UGGT2: variants seen among roughly 807,000 people sequenced by gnomAD.
UGGT2 encodes the protein UDP-glucose:glycoprotein glucosyltransferase 2.
In UGGT2, 180 loss-of-function variants were observed where a neutral mutation model predicts 192.1. The observed-to-expected ratio is 0.94, with a 90% confidence interval of 0.83 to 1.06. The LOEUF is 1.06. Ranked by LOEUF, UGGT2 falls within the 50% of genes least tolerant of loss-of-function variation. The pLI is 0.00. For synonymous variants in UGGT2, 580 were observed against 591.0 expected, an observed-to-expected ratio of 0.98 and a Z score of 0.27; for missense variants, 1,849 against 1,795.7, an observed-to-expected ratio of 1.03 and a Z score of -0.54.
At chr13:95,975,977 T>C (rs898001760) in intron 10 of UGGT2, among the ~76,000 whole-genome samples, 9 of 152,108 alleles carry the variant, frequency 5.9e-5, no homozygotes, top group African/African-American at 1.9e-4. Context: ...ACATTCCAAA[T>C]CCACTCTTCC....
In UGGT2 at chr13:95,927,008, A is replaced by G. The variant is rs2049035386; in HGVS notation, c.2200+20T>C. 6.4e-7 allele frequency: 1 copy of G among 1,572,664 alleles called. No individual in the cohort carries two copies. The highest frequency in any genetic ancestry group is 8.6e-7 in the Non-Finnish European group (1 of 1,160,824). On this transcript the variant is annotated intron_variant, in intron 19 of 38. Coordinates refer to ENST00000376747, the MANE Select transcript of UGGT2 (RefSeq NM_020121.4). ...TTTCTATCACTTTAAGAATTCAGGT[A>G]AATAAAATATGCTTATTACCGTCTT...
intron 36 of UGGT2, among the ~76,000 whole-genome samples, chr13:95,845,284 G>A (rs1300766669): frequency 1.3e-5 from 2 of 150,750 alleles, no homozygotes; most frequent in African/African-American, 4.9e-5. Flanking sequence ...ATAAACTTGT[G>A]AACAAAGGTC....
intron 36 of UGGT2, among the ~76,000 whole-genome samples, chr13:95,848,276 T>G (rs1888679174): frequency 6.6e-6 from 1 of 152,212 alleles, no homozygotes; most frequent in Non-Finnish European, 1.5e-5. Context: ...TATTGTCTTT[T>G]GCAGAGCAGA....
chr13:95,912,294 A>AC (rs931966959), intron 20 of UGGT2, among the ~76,000 whole-genome samples: 2 of 152,180 alleles, frequency 1.3e-5, no homozygotes, highest in African/African-American at 4.8e-5. Context: ...AGAAAGTCAA[A>AC]TTGTCCCTGT....
intron 37 of UGGT2, among the ~76,000 whole-genome samples, chr13:95,833,570 T>C (rs996467070): frequency 1.2e-4 from 19 of 152,184 alleles, no homozygotes; most frequent in African/African-American, 4.3e-4. Context: ...GTTCCATCAA[T>C]ACACAATCAG....
intron 1 of UGGT2, among the ~76,000 whole-genome samples, chr13:96,050,859 T>C (rs571845829): frequency 4.3e-4 from 66 of 152,188 alleles, no homozygotes; most frequent in African/African-American, 1.5e-3. Context: ...TGTGGAGAAA[T>C]AGGGACACTT....
intron 30 of UGGT2, among the ~76,000 whole-genome samples, chr13:95,866,398 T>C (rs1225431147): frequency 1.3e-5 from 2 of 152,186 alleles, no homozygotes; most frequent in African/African-American, 4.8e-5. Context: ...ACTTTGACTA[T>C]GAGTTGGCCT....
intron 16 of UGGT2, among the ~76,000 whole-genome samples, chr13:95,938,214 C>A (rs1165849550): frequency 6.6e-6 from 1 of 152,138 alleles, no homozygotes; most frequent in African/African-American, 2.4e-5. Context: ...TGAAAATGGA[C>A]TAATACAGCA....
chr13:95,915,678 G>A (rs1418060194), intron 20 of UGGT2, among the ~76,000 whole-genome samples: 1 of 152,210 alleles, frequency 6.6e-6, no homozygotes, highest in Non-Finnish European at 1.5e-5. Flanking sequence ...CACCATCTCT[G>A]CAGATTGGTC....
chr13:95,822,672 C>T (rs1028651143), intron 38 of UGGT2, among the ~76,000 whole-genome samples: 4 of 152,004 alleles, frequency 2.6e-5, no homozygotes, highest in Non-Finnish European at 4.4e-5. Context: ...GGTTTCATTT[C>T]GAATTGAGCT....
At chr13:96,014,630 A>G (rs978789774) in intron 4 of UGGT2, among the ~76,000 whole-genome samples, 1 of 152,194 alleles carries the variant, frequency 6.6e-6, no homozygotes, top group African/African-American at 2.4e-5. Flanking sequence ...TCACTTCATT[A>G]TTAATCTTCT....
intron 1 of UGGT2, among the ~76,000 whole-genome samples, chr13:96,042,198 ACT>A (rs1023770378): frequency 8.5e-5 from 13 of 152,222 alleles, no homozygotes; most frequent in South Asian, 8.3e-4. Flanking sequence ...AGATCATAGG[ACT>A]CTGTGCAGAC....
At chr13:95,944,500 C>T (rs1361873741) in intron 15 of UGGT2, among the ~76,000 whole-genome samples, 3 of 151,948 alleles carry the variant, frequency 2.0e-5, no homozygotes, top group Non-Finnish European at 2.9e-5. Context: ...CATCTCTGAG[C>T]CCAGGCCTTA....
intron 20 of UGGT2, among the ~76,000 whole-genome samples, chr13:95,923,105 G>C (rs1254463338): frequency 2.0e-5 from 3 of 152,134 alleles, no homozygotes; most frequent in Non-Finnish European, 2.9e-5. Context: ...AGGCTAGAGT[G>C]CAATGGTGTG....
intron 10 of UGGT2, among the ~76,000 whole-genome samples, chr13:95,974,276 C>G (rs1012213855): frequency 6.6e-6 from 1 of 152,180 alleles, no homozygotes; most frequent in African/African-American, 2.4e-5. Context: ...ATTAAGAAAT[C>G]CATATTCCAA....
chr13:95,993,524 G>A (rs2051521634), intron 7 of UGGT2, among the ~76,000 whole-genome samples: 1 of 152,158 alleles, frequency 6.6e-6, no homozygotes, highest in South Asian at 2.1e-4. Context: ...CCAAGATGTT[G>A]AGATAGCTGA....
chr13:95,838,624 C>T lies in UGGT2; in HGVS notation c.4285-1422G>A, dbSNP rs540393263. 2.7e-3 allele frequency among the ~76,000 whole-genome samples: 418 copies of T among 152,076 alleles called. 1 individual carries two copies. The highest frequency in any genetic ancestry group is 0.01 in the Middle Eastern group (3 of 292). On this transcript the variant is annotated intron_variant, in intron 36 of 38. Coordinates refer to ENST00000376747, the MANE Select transcript of UGGT2 (RefSeq NM_020121.4). ...TACATCAATGGAACACAATAAAGAG[C>T]CCAGAAATAGAAAATTACCCATACT...
chr13:95,877,415 C>T (rs768546886), intron 28 of UGGT2, 51 bp from the exon 29 acceptor site: 11 of 1,416,614 alleles, frequency 7.8e-6, no homozygotes, highest in African/African-American at 2.9e-5. Flanking sequence ...TAAAAACCAT[C>T]GAATTGCTCA....
At chr13:95,808,651 A>G (rs929542073) in intron 38 of UGGT2, among the ~76,000 whole-genome samples, 1 of 152,314 alleles carries the variant, frequency 6.6e-6, no homozygotes. Context: ...TTCCAGCTTA[A>G]TATCCGGAGG....
Sources: allele counts gnomAD v4.1 joint callset (sites outside exome capture counted in the v4.1 genomes callset), GRCh38; gene constraint gnomAD v4.1.1; transcripts MANE v1.5; gene names NCBI Gene and HGNC (gene_info 2026-07-23, HGNC 2026-07-21).